Variants in EXT1 observed in about 807,000 individuals in gnomAD.
The protein encoded by EXT1 is exostosin-1.
In EXT1, 20 loss-of-function variants were observed where a neutral mutation model predicts 82.5. That is an observed-to-expected ratio of 0.24 (90% confidence interval 0.17 to 0.35). EXT1 has a LOEUF of 0.35. EXT1 is among the 10% of genes least tolerant of loss of function. The pLI is 1.00. For missense variants in EXT1, 757 were observed against 936.5 expected (o/e 0.81, Z 2.50); for synonymous variants, 348 against 350.8 (o/e 0.99, Z 0.09).
chr8:117,808,244 GCAAA>G (rs1489785108), intron 8 of EXT1, among the ~76,000 whole-genome samples: 5 of 152,146 alleles, frequency 3.3e-5, no homozygotes, highest in African/African-American at 7.2e-5. Context: ...AATAGTGACA[GCAAA>G]CAATCATATA....
At chr8:117,831,071 T>G (rs2129774441) in intron 3 of EXT1, among the ~76,000 whole-genome samples, 1 of 152,314 alleles carries the variant, frequency 6.6e-6, no homozygotes. Flanking sequence ...TAGTAGTTAT[T>G]AAGAAATAGG....
At chr8:117,884,017 G>C (rs773082237) in intron 1 of EXT1, among the ~76,000 whole-genome samples, 7 of 152,142 alleles carry the variant, frequency 4.6e-5, no homozygotes, top group Non-Finnish European at 8.8e-5. Flanking sequence ...GTCGGAGGGA[G>C]GAAGGAAATC....
intron 1 of EXT1, among the ~76,000 whole-genome samples, chr8:117,876,604 T>C (rs1234610191): frequency 6.6e-6 from 1 of 152,158 alleles, no homozygotes; most frequent in Non-Finnish European, 1.5e-5. Context: ...GGACGTAGGA[T>C]AAAATAAATA....
At chr8:118,094,833 G>A (rs1817581542) in intron 1 of EXT1, among the ~76,000 whole-genome samples, 1 of 152,142 alleles carries the variant, frequency 6.6e-6, no homozygotes, top group Non-Finnish European at 1.5e-5. Flanking sequence ...CATGACCTTG[G>A]GCAAATTGCT....
chr8:117,923,688 T>C (rs1266786420), intron 1 of EXT1, among the ~76,000 whole-genome samples: 1 of 150,258 alleles, frequency 6.7e-6, no homozygotes, highest in Non-Finnish European at 1.5e-5. Flanking sequence ...ATCGTGCCAC[T>C]GCACTCCAGC....
At chr8:118,051,771 C>CG (rs34431524) in intron 1 of EXT1, among the ~76,000 whole-genome samples, 67,819 of 152,034 alleles carry the variant, frequency 0.45, 15,352 homozygotes, top group Middle Eastern at 0.52. Flanking sequence ...CTAACAATAT[C>CG]GTAAGATCAA....
At chr8:117,873,762 T>C (rs754226576) in intron 1 of EXT1, among the ~76,000 whole-genome samples, 12 of 152,166 alleles carry the variant, frequency 7.9e-5, no homozygotes, top group African/African-American at 2.9e-4. Flanking sequence ...AGTCTCACTT[T>C]AAAGGAGAGA....
chr8:118,064,812 G>A (rs547690876), intron 1 of EXT1, among the ~76,000 whole-genome samples: 4 of 149,796 alleles, frequency 2.7e-5, no homozygotes, highest in East Asian at 3.9e-4. Context: ...AAAAGTGTTC[G>A]TATTTCTCTA....
At chr8:117,813,010 T>C in intron 7 of EXT1, 49 bp from the exon 8 acceptor site, 30 of 1,289,608 alleles carry the variant, frequency 2.3e-5, no homozygotes, top group Non-Finnish European at 3.2e-5. Flanking sequence ...GGGAAAGAGG[T>C]AACTTCAGAG....
chr8:117,989,821 C>T (rs1173526986), intron 1 of EXT1, among the ~76,000 whole-genome samples: 1 of 152,230 alleles, frequency 6.6e-6, no homozygotes, highest in Non-Finnish European at 1.5e-5. Context: ...CTCACCTACA[C>T]GGTCATGTGA....
At chr8:118,025,115 G>A (rs544327126) in intron 1 of EXT1, among the ~76,000 whole-genome samples, 56 of 152,320 alleles carry the variant, frequency 3.7e-4, no homozygotes, top group African/African-American at 1.3e-3. Context: ...GGAATTCCCT[G>A]TCACTGTACT....
At chr8:117,919,193 G>GTT (rs567759596) in intron 1 of EXT1, among the ~76,000 whole-genome samples, 30 of 145,766 alleles carry the variant, frequency 2.1e-4, no homozygotes, top group Admixed American at 1.9e-3. Flanking sequence ...CATCTGAGGT[G>GTT]TTTTTTTTTT....
chr8:117,927,221 A>AGTC (rs1419998389), intron 1 of EXT1, among the ~76,000 whole-genome samples: 3 of 152,192 alleles, frequency 2.0e-5, no homozygotes, highest in South Asian at 2.1e-4. Context: ...CTAGCAACAA[A>AGTC]AATACTGACT....
chr8:118,077,646 T>A (rs1817236302), intron 1 of EXT1, among the ~76,000 whole-genome samples: 1 of 152,114 alleles, frequency 6.6e-6, no homozygotes, highest in Non-Finnish European at 1.5e-5. Flanking sequence ...TCTTAATTAT[T>A]CTGAAAAGCA....
intron 1 of EXT1, among the ~76,000 whole-genome samples, chr8:118,103,783 A>G (rs1817764577): frequency 6.6e-6 from 1 of 152,316 alleles, no homozygotes; most frequent in East Asian, 1.9e-4. Flanking sequence ...CAGAATCTAC[A>G]TAGAAACAAT....
chr8:117,808,560 C>T (rs752574917), intron 8 of EXT1, among the ~76,000 whole-genome samples: 18 of 152,178 alleles, frequency 1.2e-4, no homozygotes, highest in Non-Finnish European at 1.8e-4. Context: ...TGATTCACCT[C>T]GTTATCTTTG....
intron 1 of EXT1, among the ~76,000 whole-genome samples, chr8:118,086,161 T>C (rs1424251394): frequency 1.3e-5 from 2 of 152,160 alleles, no homozygotes; most frequent in African/African-American, 4.8e-5. Context: ...AAATAGAAAG[T>C]CTAGGAATAT....
intron 1 of EXT1, among the ~76,000 whole-genome samples, chr8:118,068,970 C>G (rs1022415046): frequency 6.6e-6 from 1 of 152,268 alleles, no homozygotes; most frequent in East Asian, 1.9e-4. Flanking sequence ...TCTAGTATCA[C>G]GTGAACAAGC....
At chr8:117,887,937 T>C (rs1813176706) in intron 1 of EXT1, among the ~76,000 whole-genome samples, 1 of 151,438 alleles carries the variant, frequency 6.6e-6, no homozygotes, top group Admixed American at 6.6e-5. Context: ...AATACAAAAT[T>C]AGCCGGGTGT....
Sources: allele counts gnomAD v4.1 joint callset (sites outside exome capture counted in the v4.1 genomes callset), GRCh38; gene constraint gnomAD v4.1.1; transcripts MANE v1.5; gene names NCBI Gene and HGNC (gene_info 2026-07-23, HGNC 2026-07-21).